Variants in NCOA2 observed in about 807,000 individuals in gnomAD.
NCOA2 encodes the protein nuclear receptor coactivator 2, also known as class E basic helix-loop-helix protein 75.
NCOA2 carries 21 observed loss-of-function variants against 145.1 expected under a neutral mutation model. The observed-to-expected ratio is 0.14, with a 90% CI of 0.10 to 0.21. The LOEUF (loss-of-function observed/expected upper bound fraction) is 0.21, where lower values mean the gene tolerates loss of function less well. Ranked by LOEUF, NCOA2 falls within the 10% of genes least tolerant of loss-of-function variation. The probability of loss-of-function intolerance (pLI) is 1.00; values close to 1 mark genes in which losing one functional copy is unlikely to be tolerated. For missense variants in NCOA2, 1,472 were observed against 1,837.6 expected (o/e 0.80, Z 3.64); for synonymous variants, 619 against 637.5 (o/e 0.97, Z 0.44).
intron 1 of NCOA2, among the ~76,000 whole-genome samples, chr8:70,371,385 C>T (rs1811202586): frequency 6.6e-6 from 1 of 151,934 alleles, no homozygotes; most frequent in Non-Finnish European, 1.5e-5. Flanking sequence ...ATGTCTTTTT[C>T]TACCACAATA....
chr8:70,284,271 T>C (rs773107209), intron 2 of NCOA2, among the ~76,000 whole-genome samples: 4 of 152,146 alleles, frequency 2.6e-5, no homozygotes, highest in Admixed American at 1.3e-4. Flanking sequence ...GGATACAAAT[T>C]TGAAAAATAA....
intron 4 of NCOA2, among the ~76,000 whole-genome samples, chr8:70,186,560 G>A (rs1420978375): frequency 6.6e-6 from 1 of 152,134 alleles, no homozygotes; most frequent in African/African-American, 2.4e-5. Flanking sequence ...TGTTACCTGG[G>A]ACAGGTAAAT....
intron 4 of NCOA2, among the ~76,000 whole-genome samples, chr8:70,183,619 G>C (rs16936814): frequency 0.045 from 6,850 of 152,130 alleles, 255 homozygotes; most frequent in East Asian, 0.16. Flanking sequence ...AAGATTTTGA[G>C]CATTCTCTCA....
chr8:70,437,694 C>T, the NCOA2 span, among the ~76,000 whole-genome samples: 2 of 152,096 alleles, frequency 1.3e-5, no homozygotes, highest in African/African-American at 2.4e-5. Flanking sequence ...CATTTGAAGA[C>T]TTACAGTAGT....
At chr8:70,128,377 T>C (rs1324919991) in intron 18 of NCOA2, 56 bp downstream of exon 18, 14 of 1,464,002 alleles carry the variant, frequency 9.6e-6, no homozygotes, top group Admixed American at 1.9e-5. Flanking sequence ...GAGGAAGAAA[T>C]GACAAAAGCA....
the NCOA2 span, among the ~76,000 whole-genome samples, chr8:70,410,686 A>C: frequency 8.8e-4 from 134 of 152,354 alleles, no homozygotes; most frequent in Non-Finnish European, 1.7e-3. Flanking sequence ...GTGGAGGAAC[A>C]AAGTGTGGTA....
intron 4 of NCOA2, among the ~76,000 whole-genome samples, chr8:70,210,171 C>T (rs1563624621): frequency 6.6e-6 from 1 of 152,158 alleles, no homozygotes. Context: ...CTCAGGTTCC[C>T]CTCCTGCCAA....
At position 70,157,217 on chromosome 8, in the gene NCOA2, T is replaced by G; in HGVS notation, c.1148A>C (p.Asn383Thr). The G allele has an allele frequency of 6.4e-7, 1 of 1,566,474 alleles. No homozygotes were observed. The highest frequency in any genetic ancestry group is 1.2e-5 in the South Asian group (1 of 83,972). The change falls in exon 11 of 23, where the codon AAT becomes ACT. Residue 383 changes from asparagine to threonine, a missense_variant. Asn to Thr is a moderately conservative substitution (Grantham distance 65). Around this residue, in one of 4 missense-constraint regions of NCOA2, gnomAD observed 953 missense variants for 1,062.1 expected, o/e 0.90. Coordinates refer to ENST00000452400, the MANE Select transcript of NCOA2 (RefSeq NM_006540.4). ...CATCGTTTGTCCAGTCAGATCCGGA[T>G]TCATCACACACACATTCTGCTCTCT... Reference protein sequence around the residue: ...LHREQNVCVMNPDLTGQTMGK... With the variant: ...LHREQNVCVMTPDLTGQTMGK...
At chr8:70,328,305 C>T (rs372547594) in intron 1 of NCOA2, among the ~76,000 whole-genome samples, 1 of 152,110 alleles carries the variant, frequency 6.6e-6, no homozygotes, top group African/African-American at 2.4e-5. Context: ...GTGAAAGAAA[C>T]CGATTATTTT....
At chr8:70,124,549 G>T in intron 20 of NCOA2, 139 bp downstream of exon 20, 1 of 764,024 alleles carries the variant, frequency 1.3e-6, no homozygotes, top group Non-Finnish European at 2.0e-6. Flanking sequence ...TGCTGTGGAA[G>T]GCGGTGACCT....
intron 1 of NCOA2, among the ~76,000 whole-genome samples, chr8:70,351,279 G>A (rs1196388327): frequency 6.6e-6 from 1 of 152,056 alleles, no homozygotes; most frequent in Non-Finnish European, 1.5e-5. Context: ...AGAGTAATAG[G>A]TTATACATTT....
chr8:70,455,736 A>G, the NCOA2 span, among the ~76,000 whole-genome samples: 1 of 151,022 alleles, frequency 6.6e-6, no homozygotes, highest in Non-Finnish European at 1.5e-5. Flanking sequence ...AAGTTTCCAG[A>G]TAACTTTACC....
chr8:70,381,451 A>G (rs187012699), intron 1 of NCOA2, among the ~76,000 whole-genome samples: 84 of 152,302 alleles, frequency 5.5e-4, no homozygotes, highest in South Asian at 4.1e-4. Context: ...ATCTCTCTCA[A>G]TGAAAAATGT....
chr8:70,317,911 T>C (rs1456891342), intron 1 of NCOA2, among the ~76,000 whole-genome samples: 1 of 151,812 alleles, frequency 6.6e-6, no homozygotes, highest in South Asian at 2.1e-4. Flanking sequence ...GGTGACAGAG[T>C]GAGACCCTGT....
intron 4 of NCOA2, among the ~76,000 whole-genome samples, chr8:70,211,724 A>G (rs1819049665): frequency 6.6e-6 from 1 of 152,226 alleles, no homozygotes; most frequent in Non-Finnish European, 1.5e-5. Context: ...CTTTTTAAAA[A>G]ACAAATTATT....
chr8:70,214,823 AC>A (rs765186403), intron 3 of NCOA2, among the ~76,000 whole-genome samples: 1 of 152,298 alleles, frequency 6.6e-6, no homozygotes, highest in South Asian at 2.1e-4. Context: ...ATAACAGCAT[AC>A]AATTATTTTC....
chr8:70,219,847 G>A (rs1819989337), intron 2 of NCOA2, among the ~76,000 whole-genome samples: 2 of 152,146 alleles, frequency 1.3e-5, no homozygotes, highest in South Asian at 2.1e-4. Flanking sequence ...GGCTGGGCTG[G>A]CAGCAAGTGT....
At position 70,171,476 on chromosome 8, in the gene NCOA2, G is replaced by A. The variant is rs1018529843; in HGVS notation, c.364-1097C>T. Among the ~76,000 whole-genome samples the A allele has an allele frequency of 3.1e-4, 47 of 152,264 alleles. 1 individual carries two copies. The highest frequency in any genetic ancestry group is 3.4e-3 in the Middle Eastern group (1 of 294). ...CACTTCCCATCATGTTTACCTTGGT[G>A]ATGGAAATGTTGGGGGTTTAGTTTC... On this transcript the variant is annotated intron_variant, in intron 5 of 22. Coordinates refer to ENST00000452400, the MANE Select transcript of NCOA2 (RefSeq NM_006540.4).
intron 1 of NCOA2, among the ~76,000 whole-genome samples, chr8:70,359,211 C>T (rs899773139): frequency 1.3e-5 from 2 of 152,164 alleles, no homozygotes; most frequent in African/African-American, 4.8e-5. Flanking sequence ...CCATATAACC[C>T]AGCAATTCCA....
Sources: gnomAD v4.1 joint callset for allele counts (sites outside exome capture counted in the v4.1 genomes callset) on GRCh38, gnomAD v4.1.1 for gene constraint, gnomAD v4.1.1 regional missense constraint, MANE v1.5 for transcripts, NCBI Gene and HGNC (gene_info 2026-07-23, HGNC 2026-07-21) for gene names.